Variants in RAD51B observed in about 807,000 individuals in gnomAD.
RAD51B encodes RAD51 paralog B, also known as DNA repair protein RAD51 homolog 2.
A neutral mutation model predicts 42.2 loss-of-function variants in RAD51B; 38 were observed. That is an observed-to-expected ratio of 0.90 (90% CI 0.70 to 1.18). The LOEUF (loss-of-function observed/expected upper bound fraction) is 1.18. RAD51B is among the 50% of genes most tolerant of loss of function. The probability of loss-of-function intolerance (pLI) is 0.00; values close to 1 mark genes in which losing one functional copy is unlikely to be tolerated. For missense variants in RAD51B, 373 were observed against 400.7 expected, an observed-to-expected ratio of 0.93 and a Z score of 0.59; for synonymous variants, 154 against 145.2, an observed-to-expected ratio of 1.06 and a Z score of -0.43.
At chr14:68,524,387 A>C (rs1886790716) in intron 10 of RAD51B, among the ~76,000 whole-genome samples, 1 of 152,244 alleles carries the variant, frequency 6.6e-6, no homozygotes, top group African/African-American at 2.4e-5. Context: ...CTATGGACAG[A>C]GTAAACCCTG....
At chr14:68,530,901 T>TA (rs1472907650) in intron 10 of RAD51B, among the ~76,000 whole-genome samples, 1 of 152,016 alleles carries the variant, frequency 6.6e-6, no homozygotes, top group Admixed American at 6.6e-5. Flanking sequence ...AAAAGTTAAA[T>TA]AAAAAAGTAA....
chr14:68,036,134 A>G (rs77609156), intron 7 of RAD51B, among the ~76,000 whole-genome samples: 1,575 of 152,352 alleles, frequency 0.01, 26 homozygotes, highest in African/African-American at 0.036. Flanking sequence ...TTTCCTTACA[A>G]GATCAAAGCT....
chr14:67,878,795 G>A (rs1268536642), intron 5 of RAD51B, among the ~76,000 whole-genome samples: 1 of 152,046 alleles, frequency 6.6e-6, no homozygotes, highest in Non-Finnish European at 1.5e-5. Flanking sequence ...CACTTCCTGG[G>A]TTCAAGCGAT....
chr14:68,013,350 T>C (rs1164864955), intron 7 of RAD51B, among the ~76,000 whole-genome samples: 2 of 152,144 alleles, frequency 1.3e-5, no homozygotes, highest in African/African-American at 4.8e-5. Flanking sequence ...TTTTGCTCTG[T>C]TGGCCAGAAT....
At chr14:68,119,946 G>A (rs1412532826) in intron 7 of RAD51B, among the ~76,000 whole-genome samples, 1 of 150,856 alleles carries the variant, frequency 6.6e-6, no homozygotes, top group African/African-American at 2.4e-5. Flanking sequence ...CAGTGTAAAA[G>A]TGTTCCTATT....
chr14:68,372,591 C>T (rs1173939788), intron 8 of RAD51B, among the ~76,000 whole-genome samples: 3 of 152,062 alleles, frequency 2.0e-5, no homozygotes, highest in African/African-American at 4.8e-5. Context: ...GAATGGAGTA[C>T]ATCACAGCAG....
chr14:68,610,277 G>A (rs988152577), intron 10 of RAD51B, among the ~76,000 whole-genome samples: 1 of 152,180 alleles, frequency 6.6e-6, no homozygotes, highest in African/African-American at 2.4e-5. Flanking sequence ...GCCTCCGGAT[G>A]CCTGAAGGAG....
intron 8 of RAD51B, among the ~76,000 whole-genome samples, chr14:68,410,244 T>G (rs969619574): frequency 1.3e-5 from 2 of 152,154 alleles, no homozygotes; most frequent in African/African-American, 2.4e-5. Flanking sequence ...GTTGCAGCAT[T>G]TGGGCCCAGG....
At chr14:68,474,872 A>G (rs777360833) in intron 10 of RAD51B, among the ~76,000 whole-genome samples, 1 of 152,268 alleles carries the variant, frequency 6.6e-6, no homozygotes, top group Non-Finnish European at 1.5e-5. Flanking sequence ...ACAGTGGTAT[A>G]CATGATAGAG....
intron 7 of RAD51B, among the ~76,000 whole-genome samples, chr14:68,167,873 T>G (rs2078785231): frequency 6.6e-6 from 1 of 152,200 alleles, no homozygotes; most frequent in Non-Finnish European, 1.5e-5. Context: ...TTATTTAATT[T>G]TTAAAACAAG....
chr14:68,449,042 A>G (rs1044004823), intron 9 of RAD51B, among the ~76,000 whole-genome samples: 8 of 152,220 alleles, frequency 5.3e-5, no homozygotes, highest in Admixed American at 1.3e-4. Context: ...CACATTATGG[A>G]TAATTTTTCA....
intron 7 of RAD51B, among the ~76,000 whole-genome samples, chr14:67,954,255 T>C (rs944802977): frequency 1.3e-5 from 2 of 152,214 alleles, no homozygotes; most frequent in Admixed American, 1.3e-4. Flanking sequence ...CAAGATTATA[T>C]ATACTATTCC....
chr14:68,263,118 G>C (rs965148254), intron 7 of RAD51B, among the ~76,000 whole-genome samples: 1 of 152,152 alleles, frequency 6.6e-6, no homozygotes, highest in Non-Finnish European at 1.5e-5. Flanking sequence ...CTTTGCATCA[G>C]AGATGATACT....
intron 7 of RAD51B, among the ~76,000 whole-genome samples, chr14:67,990,373 A>G (rs913452673): frequency 6.6e-6 from 1 of 152,220 alleles, no homozygotes; most frequent in African/African-American, 2.4e-5. Context: ...ATTCTGTAAG[A>G]AAAGTGGCTA....
Position 68,639,619 on chromosome 14 carries a change from G to C in RAD51B, c.1037-11162G>C, listed in dbSNP as rs1004066977. Reference sequence around the variant, plus strand: ...TAGGAATTAGGAGGAAGAGAAGCCAGAGATCCAAAGCAAAATAAGGCAGCT... The same window carrying C: ...TAGGAATTAGGAGGAAGAGAAGCCACAGATCCAAAGCAAAATAAGGCAGCT... On this transcript the variant is annotated intron_variant, in intron 10 of 11. Transcript: ENST00000488612. Among the ~76,000 whole-genome samples the C allele has an allele frequency of 2.6e-5, 4 of 152,182 alleles. No individual in the cohort carries two copies. The South Asian group carries it at 6.2e-4, about 24-fold the overall frequency.
Position 68,176,566 on chromosome 14 carries a change from T to C in RAD51B, c.757-115318T>C, listed in dbSNP as rs376269372. Among the ~76,000 whole-genome samples, 17 of 152,314 alleles carry C rather than the reference T, an allele frequency of 1.1e-4. 1 individual carries two copies. In the East Asian group the frequency reaches 3.1e-3, roughly 28 times the overall value. On this transcript the variant is annotated intron_variant, in intron 7 of 10. Coordinates refer to ENST00000471583, the MANE Select transcript of RAD51B (RefSeq NM_133510.4). ...GAGGAAATGAGGATCATGATGTCTGTCACTCAGGGATAGAATGAGCATTAA... is the reference window on the plus strand; with the variant it reads ...GAGGAAATGAGGATCATGATGTCTGCCACTCAGGGATAGAATGAGCATTAA...
chr14:68,517,028 A>G (rs537037639), intron 10 of RAD51B, among the ~76,000 whole-genome samples: 1 of 152,346 alleles, frequency 6.6e-6, no homozygotes, highest in South Asian at 2.1e-4. Flanking sequence ...TGCCTGTCAA[A>G]TAACCAAATC....
chr14:68,025,544 A>G (rs2075941486), intron 7 of RAD51B, among the ~76,000 whole-genome samples: 1 of 116,800 alleles, frequency 8.6e-6, no homozygotes, highest in African/African-American at 3.5e-5. Flanking sequence ...TACTGATTTA[A>G]TTTCAGAACT....
intron 8 of RAD51B, among the ~76,000 whole-genome samples, chr14:68,357,180 T>C (rs1271064902): frequency 6.6e-6 from 1 of 152,202 alleles, no homozygotes; most frequent in Non-Finnish European, 1.5e-5. Context: ...AAATCCCTTG[T>C]TGTCATTTCA....
Sources: allele counts gnomAD v4.1 joint callset (sites outside exome capture counted in the v4.1 genomes callset), GRCh38; gene constraint gnomAD v4.1.1; transcripts MANE v1.5; gene names NCBI Gene and HGNC (gene_info 2026-07-23, HGNC 2026-07-21).